Variants in GATA4 observed in about 807,000 individuals in gnomAD.
GATA4 encodes the protein transcription factor GATA-4.
Under a neutral mutation model 37.9 loss-of-function variants are expected in GATA4, and 7 were observed. That is an observed-to-expected ratio of 0.18 (90% CI 0.11 to 0.35). The LOEUF (loss-of-function observed/expected upper bound fraction) is 0.35, where lower values mean the gene tolerates loss of function less well. Ranked by LOEUF, GATA4 falls within the 10% of genes least tolerant of loss-of-function variation. The pLI is 1.00. For missense variants in GATA4, 647 were observed against 653.0 expected (o/e 0.99, Z 0.10); for synonymous variants, 372 against 292.6 (o/e 1.27, Z -2.77).
rs267601735 is a variant in GATA4, at chr8:11,748,978, C to G, written c.679C>G (p.Pro227Ala). The G allele has an allele frequency of 6.2e-7, 1 of 1,614,184 alleles. No individual in the cohort carries two copies. The highest frequency in any genetic ancestry group is 8.5e-7 in the Non-Finnish European group (1 of 1,180,008). ...TGTCAACTGTGGGGCTATGTCCACCCCGCTCTGGAGGCGAGATGGGACGGG... is the reference window on the plus strand; with the variant it reads ...TGTCAACTGTGGGGCTATGTCCACCGCGCTCTGGAGGCGAGATGGGACGGG... ...ECVNCGAMST[P>A]LWRRDGTGHY... The change falls in exon 3 of 7, where the codon CCG becomes GCG. Residue 227 changes from proline (P) to alanine (A), a missense_variant. Transcript: ENST00000532059.
At chr8:11,689,851 G>A (rs1035020853), upstream of GATA4, among the ~76,000 whole-genome samples, 4 of 152,226 alleles carry the variant, frequency 2.6e-5, no homozygotes, top group East Asian at 5.8e-4. Context: ...GGCGAGGGAA[G>A]TTTGGCCTTA....
chr8:11,692,031 A>C, upstream of GATA4: 1 of 985,412 alleles, frequency 1.0e-6, no homozygotes, highest in Non-Finnish European at 1.2e-6. Flanking sequence ...TCTGTTCATG[A>C]TCCTCACCTT....
At chr8:11,687,498 G>A (rs904500255) in intron 1 of GATA4, among the ~76,000 whole-genome samples, 1 of 152,040 alleles carries the variant, frequency 6.6e-6, no homozygotes, top group Non-Finnish European at 1.5e-5. Context: ...TGTGAGTTGG[G>A]GGCAATGAAT....
At chr8:11,758,253 G>A (rs377242175) in intron 6 of GATA4, 40 bp from the exon 7 acceptor site, 5 of 1,610,748 alleles carry the variant, frequency 3.1e-6, no homozygotes, top group Non-Finnish European at 4.2e-6. Context: ...GCCCTCAGGA[G>A]CGTCTCCATG....
chr8:11,756,804 A>G lies in GATA4; in HGVS notation c.1001-131A>G, dbSNP rs3729852. The G allele has an allele frequency of 0.13, 150,954 of 1,201,252 alleles. 10,558 individuals are homozygous for G. Among genetic ancestry groups the G allele is most frequent in the Middle Eastern group, 0.15 (644 of 4,270 alleles). The allele number at this position is 1,201,252 out of a possible 1,614,324, so 74.4% of individuals were successfully genotyped here. ...GAACTGTAGCCCTCCGCAGATAAGG[A>G]CCTCTGCTGCTGTCCCCGGCAAATG... On this transcript the variant is annotated intron_variant, in intron 5 of 6. Coordinates refer to ENST00000532059, the MANE Select transcript of GATA4 (RefSeq NM_001308093.3).
chr8:11,758,304 C>T lies in GATA4; in HGVS notation c.1161C>T (p.Val387=), dbSNP rs372993566. 4.3e-6 allele frequency: 7 copies of T among 1,614,064 alleles called. No individual in the cohort carries two copies. The highest frequency in any genetic ancestry group is 1.3e-5 in the African/African-American group (1 of 74,936). Residue 387 remains valine, a synonymous_variant, in exon 7 of 7, where the codon GTC becomes GTT. Transcript: ENST00000532059. ...HSSSVSQTFS[V]SAMSGHGPSI... ...TTTCTGCTTTTCAGACGTTCTCAGT[C>T]AGTGCGATGTCTGGCCATGGGCCCT... is the stretch of plus-strand genomic sequence containing the variant.
intron 2 of GATA4, among the ~76,000 whole-genome samples, chr8:11,721,534 G>C (rs182295329): frequency 6.6e-5 from 10 of 152,024 alleles, no homozygotes; most frequent in African/African-American, 2.2e-4. Flanking sequence ...ATTTCCCATC[G>C]GAGAAGGAAC....
intron 5 of GATA4, 59 bp downstream of exon 5, chr8:11,755,192 A>C: frequency 1.5e-6 from 2 of 1,378,892 alleles, no homozygotes; most frequent in Non-Finnish European, 2.1e-6. Flanking sequence ...AGAGTGCCTA[A>C]GAATCATATC....
intron 2 of GATA4, among the ~76,000 whole-genome samples, chr8:11,743,619 C>T (rs1801872535): frequency 6.6e-6 from 1 of 152,240 alleles, no homozygotes; most frequent in African/African-American, 2.4e-5. Context: ...CCGTGCCTTC[C>T]CTCTCCCCGC....
chr8:11,742,173 C>G (rs1801770938), intron 2 of GATA4, among the ~76,000 whole-genome samples: 1 of 152,226 alleles, frequency 6.6e-6, no homozygotes, highest in South Asian at 2.1e-4. Context: ...CCGCTGGGGC[C>G]CAGGGTGTCA....
intron 1 of GATA4, among the ~76,000 whole-genome samples, chr8:11,685,581 C>T (rs148166463): frequency 2.7e-4 from 41 of 152,334 alleles, no homozygotes; most frequent in African/African-American, 9.1e-4. Flanking sequence ...ACTCCAAGAA[C>T]AGCCCTGGAC....
At chr8:11,693,478 AAG>A (rs113044488) in intron 1 of GATA4, among the ~76,000 whole-genome samples, 35,055 of 143,902 alleles carry the variant, frequency 0.24, 5,140 homozygotes, top group East Asian at 0.72. Flanking sequence ...AGGGAGAAAG[AAG>A]AGAGAGAGAG....
At chr8:11,678,662 A>AGTT (rs1414013546) in intron 1 of GATA4, among the ~76,000 whole-genome samples, 1 of 152,226 alleles carries the variant, frequency 6.6e-6, no homozygotes, top group Non-Finnish European at 1.5e-5. Flanking sequence ...TAGTAGCAGT[A>AGTT]GTTGTTGTAG....
chr8:11,705,635 C>T (rs1563197894), intron 1 of GATA4, among the ~76,000 whole-genome samples: 1 of 152,206 alleles, frequency 6.6e-6, no homozygotes, highest in Non-Finnish European at 1.5e-5. Flanking sequence ...ACTGCAGGAT[C>T]CAGGCTCAAT....
chr8:11,742,783 G>A (rs760069895), intron 2 of GATA4, among the ~76,000 whole-genome samples: 1 of 152,280 alleles, frequency 6.6e-6, no homozygotes, highest in South Asian at 2.1e-4. Flanking sequence ...CCCACACCCA[G>A]GCGCCAGCCG....
At chr8:11,681,465 C>T (rs948300602) in intron 1 of GATA4, 1 of 965,958 alleles carries the variant, frequency 1.0e-6, no homozygotes, top group Non-Finnish European at 1.2e-6. Context: ...ATCCGGGGCC[C>T]GGTCCCCGCG....
At chr8:11,757,848 C>A (rs943441006) in intron 6 of GATA4, among the ~76,000 whole-genome samples, 2 of 152,244 alleles carry the variant, frequency 1.3e-5, no homozygotes, top group African/African-American at 4.8e-5. Flanking sequence ...GTTATCTCGT[C>A]TCTGCTCTTA....
At chr8:11,686,605 C>T (rs1215594834) in intron 1 of GATA4, among the ~76,000 whole-genome samples, 1 of 152,174 alleles carries the variant, frequency 6.6e-6, no homozygotes, top group African/African-American at 2.4e-5. Flanking sequence ...TGTAATTTTC[C>T]AGCCCCCTAC....
At chr8:11,693,562 C>CACAGAGAG (rs1405047773) in intron 1 of GATA4, among the ~76,000 whole-genome samples, 26 of 72,218 alleles carry the variant, frequency 3.6e-4, no homozygotes, top group African/African-American at 1.0e-3. Context: ...CACACACACA[C>CACAGAGAG]AGAGAGAGAG....
Sources: allele counts gnomAD v4.1 joint callset (sites outside exome capture counted in the v4.1 genomes callset), GRCh38; gene constraint gnomAD v4.1.1; transcripts MANE v1.5; gene names NCBI Gene and HGNC (gene_info 2026-07-23, HGNC 2026-07-21).